GOT1: variants seen among roughly 807,000 people sequenced by gnomAD.
GOT1 encodes the protein glutamic-oxaloacetic transaminase 1.
In GOT1, 25 loss-of-function variants were observed where a neutral mutation model predicts 48.2. That is an observed-to-expected ratio of 0.52 (90% confidence interval 0.38 to 0.72). The LOEUF (loss-of-function observed/expected upper bound fraction) is 0.72. GOT1 is among the 30% of genes least tolerant of loss of function. The pLI is 0.00. For missense variants in GOT1, 380 were observed against 520.1 expected, an observed-to-expected ratio of 0.73 and a Z score of 2.62; for synonymous variants, 188 against 193.8, an observed-to-expected ratio of 0.97 and a Z score of 0.25.
intron 7 of GOT1, among the ~76,000 whole-genome samples, chr10:99,402,968 T>C (rs1353314312): frequency 6.6e-6 from 1 of 152,180 alleles, no homozygotes; most frequent in African/African-American, 2.4e-5. Context: ...TAGAATACAC[T>C]CACATTTCAA....
intron 2 of GOT1, among the ~76,000 whole-genome samples, chr10:99,408,674 G>A (rs147805826): frequency 1.2e-3 from 190 of 152,184 alleles, no homozygotes; most frequent in Middle Eastern, 0.01. Context: ...AGCCAAGATC[G>A]CACCACTGCC....
At chr10:99,406,596 C>T in intron 3 of GOT1, 130 bp downstream of exon 3, 3 of 844,326 alleles carry the variant, frequency 3.6e-6, no homozygotes, top group Non-Finnish European at 5.7e-6. Context: ...TGCCATAACC[C>T]ACTGTTCAAG....
At chr10:99,424,699 T>C (rs2033015286) in intron 1 of GOT1, among the ~76,000 whole-genome samples, 1 of 152,160 alleles carries the variant, frequency 6.6e-6, no homozygotes, top group African/African-American at 2.4e-5. Flanking sequence ...ACTACTTGGG[T>C]TGGGGATGGT....
chr10:99,423,815 AT>A (rs571149699), intron 1 of GOT1, among the ~76,000 whole-genome samples: 26 of 147,456 alleles, frequency 1.8e-4, no homozygotes, highest in East Asian at 2.0e-4. Flanking sequence ...GGACCAGCTA[AT>A]TTTTTTTTTT....
rs1252366413 is a variant in GOT1 at position 99,397,661 on chromosome 10, A to G, written c.1128T>C (p.Asn376=). The G allele has an allele frequency of 1.2e-6, 2 of 1,614,132 alleles. No homozygotes were observed. The highest frequency in any genetic ancestry group is 8.5e-7 in the Non-Finnish European group (1 of 1,179,980). Residue 376 remains asparagine, a synonymous_variant, in exon 9 of 9, where the codon AAT becomes AAC. Coordinates refer to ENST00000370508, the MANE Select transcript of GOT1 (RefSeq NM_002079.3). The surrounding 1 kb of genome is among the most constrained non-coding windows in gnomAD (Gnocchi z 5.4). ...TTGGCAGCAGGTAGATGTGCTTTTC[A>G]TTGACCAGATACTCAACCTGCTTGG... The part of the protein sequence containing the change: ...LNPKQVEYLV[N]EKHIYLLPSG...
intron 1 of GOT1, among the ~76,000 whole-genome samples, chr10:99,426,127 T>A (rs2033035270): frequency 6.6e-6 from 1 of 152,104 alleles, no homozygotes; most frequent in African/African-American, 2.4e-5. Flanking sequence ...TGGATCCATG[T>A]GCTTTTTTAA....
Position 99,397,276 on chromosome 10 carries a change from A to G in GOT1, c.*271T>C, listed in dbSNP as rs2032613912. 7.5e-6 allele frequency: 3 copies of G among 397,618 alleles called. No individual in the cohort carries two copies. In the East Asian group the frequency reaches 1.3e-4, roughly 17 times the overall value. The allele number at this position is 397,618 out of a possible 1,614,324, so 24.6% of individuals were successfully genotyped here. A position where few individuals can be genotyped will look rare whatever the true frequency, so the allele number is the denominator to read the frequency against. On this transcript the variant is annotated 3_prime_UTR_variant, in exon 9 of 9. Transcript: ENST00000370508. This position sits in a 1 kb window ranked among gnomAD's most constrained non-coding sequence, Gnocchi z 5.4. ...ACTCCTTTTTAGTGAGAGGGACAAGATACCTATGTCTCATGATCAAAGTAC... is the reference window on the plus strand; with the variant it reads ...ACTCCTTTTTAGTGAGAGGGACAAGGTACCTATGTCTCATGATCAAAGTAC...
intron 1 of GOT1, among the ~76,000 whole-genome samples, chr10:99,421,417 C>T (rs1311784515): frequency 6.6e-6 from 1 of 152,234 alleles, no homozygotes; most frequent in Non-Finnish European, 1.5e-5. Context: ...CAAGGACCCA[C>T]TTAAACACAT....
chr10:99,409,561 G>T (rs1232182537), intron 2 of GOT1, among the ~76,000 whole-genome samples: 1 of 152,166 alleles, frequency 6.6e-6, no homozygotes, highest in East Asian at 1.9e-4. Context: ...ATCGTACCTT[G>T]ATACTAACTT....
chr10:99,405,520 G>GACACAC (rs138777645), intron 5 of GOT1, among the ~76,000 whole-genome samples: 8,554 of 143,470 alleles, frequency 0.06, 275 homozygotes, highest in Non-Finnish European at 0.071. Flanking sequence ...CATAAAACTA[G>GACACAC]ACACACACAC....
Position 99,405,741 on chromosome 10 carries a change from T to C in GOT1, c.642+15A>G, listed in dbSNP as rs767100358. ...ATATACTATTTTTTAAGAGATGCTC[T>C]GAAGGGGCAGTTACCTTCATGACAG... On this transcript the variant is annotated intron_variant, in intron 5 of 8. Coordinates refer to ENST00000370508, the MANE Select transcript of GOT1 (RefSeq NM_002079.3). The C allele has an allele frequency of 1.6e-6, 2 of 1,219,976 alleles. No individual in the cohort carries two copies. The highest frequency in any genetic ancestry group is 2.4e-6 in the Non-Finnish European group (2 of 819,830). The allele number at this position is 1,219,976 out of a possible 1,614,324, so 75.6% of individuals were successfully genotyped here.
Position 99,430,592 on chromosome 10 carries a change from T to C in GOT1, c.-27A>G, listed in dbSNP as rs745311133. On this transcript the variant is annotated 5_prime_UTR_variant, in exon 1 of 9. Transcript: ENST00000370508. ...TCGAGAGACTAGGAATCAAGAGATT[T>C]CACCCCACGCCCGGAGCTGGCAGGT... The C allele has an allele frequency of 2.6e-6, 4 of 1,546,570 alleles. No individual in the cohort carries two copies. In the Admixed American group the frequency reaches 7.4e-5, roughly 29 times the overall value.
chr10:99,419,094 C>T (rs2032935317), intron 2 of GOT1, among the ~76,000 whole-genome samples: 1 of 152,138 alleles, frequency 6.6e-6, no homozygotes, highest in African/African-American at 2.4e-5. Context: ...TTGTCCTCTG[C>T]CATTCTGCTT....
At position 99,406,759 on chromosome 10, in the gene GOT1, T is replaced by C. The variant is rs1220835899; in HGVS notation, c.391A>G (p.Asn131Asp). ...GGTGAGGACACATAGACAGGTGTGT[T>C]CTTGTTGTTTGTTCCATTGTACCAA... ...ARWYNGTNNK[N>D]TPVYVSSPTW... Residue 131 changes from asparagine (N) to aspartate (D), a missense_variant, in exon 3 of 9, where the codon AAC (asparagine) becomes GAC (aspartate). By Grantham distance (23) the Asn-to-Asp change is conservative. Transcript: ENST00000370508. The C allele has an allele frequency of 6.2e-7, 1 of 1,613,944 alleles. No homozygotes were observed. Among genetic ancestry groups the C allele is most frequent in the South Asian group, 1.1e-5 (1 of 91,042 alleles).
chr10:99,404,450 T>A (rs904867015), intron 5 of GOT1, among the ~76,000 whole-genome samples: 1 of 152,130 alleles, frequency 6.6e-6, no homozygotes, highest in Non-Finnish European at 1.5e-5. Flanking sequence ...CTGGGGGGAA[T>A]CTGGACTCCT....
Position 99,406,165 on chromosome 10 carries a change from T to C in GOT1, c.509A>G (p.Asp170Gly). The C allele has an allele frequency of 6.2e-7, 1 of 1,612,612 alleles. No individual in the cohort carries two copies. Among genetic ancestry groups the C allele is most frequent in the Non-Finnish European group, 8.5e-7 (1 of 1,178,650 alleles). The change falls in exon 4 of 9, where the codon GAC becomes GGC. Residue 170 changes from aspartate (D) to glycine (G), a missense_variant. Physicochemically the swap from Asp to Gly is moderately conservative, Grantham distance 94 (BLOSUM62 -1). Transcript: ENST00000370508. The stretch of plus-strand genomic sequence containing the variant: ...CAGATCATTCAGGAAGCCCTGGAGG[T>C]CCAATCCTCTCTTCTCTGCATCCCA... ...RYWDAEKRGL[D>G]LQGFLNDLEN...
At chr10:99,430,081 C>T in intron 1 of GOT1, 6 of 399,496 alleles carry the variant, frequency 1.5e-5, no homozygotes, top group South Asian at 1.2e-4. Context: ...TTCCTAGCAA[C>T]CAGAACCCTA....
chr10:99,424,877 G>A (rs557080185), intron 1 of GOT1, among the ~76,000 whole-genome samples: 1 of 152,342 alleles, frequency 6.6e-6, no homozygotes, highest in African/African-American at 2.4e-5. Context: ...GGTGACTGGA[G>A]CAGTGGGGTC....
chr10:99,406,259 A>C lies in GOT1; in HGVS notation c.425-10T>G. 6.3e-7 allele frequency: 1 copy of C among 1,585,152 alleles called. No homozygotes were observed. Among genetic ancestry groups the C allele is most frequent in the Non-Finnish European group, 8.7e-7 (1 of 1,153,566 alleles). On this transcript the variant is annotated splice_polypyrimidine_tract_variant and intron_variant, in intron 3 of 8. Transcript: ENST00000370508. Reference sequence around the variant, plus strand: ...ACAGCATTGTGATTCTCTGCATGCAAAGAAGTAAAAAGTTAAGCACTTTAC... The same window carrying C: ...ACAGCATTGTGATTCTCTGCATGCACAGAAGTAAAAAGTTAAGCACTTTAC...
Sources: gnomAD v4.1 joint callset for allele counts (sites outside exome capture counted in the v4.1 genomes callset) on GRCh38, gnomAD v4.1.1 for gene constraint, Gnocchi (gnomAD v3.1) non-coding constraint, MANE v1.5 for transcripts, NCBI Gene and HGNC (gene_info 2026-07-23, HGNC 2026-07-21) for gene names.